The following CELA2A variants were observed in gnomAD, a reference collection of about 807,000 sequenced individuals.
CELA2A encodes the protein chymotrypsin-like elastase family member 2A.
CELA2A carries 31 observed loss-of-function variants against 35.3 expected under a neutral mutation model. The ratio of observed to expected loss-of-function variants is 0.88; its 90% CI spans 0.66 to 1.19. The LOEUF is 1.19. Among genes scored for constraint, CELA2A ranks in the 50% most tolerant of loss-of-function variants. The pLI is 0.00. For missense variants in CELA2A, 330 were observed against 352.9 expected (o/e 0.94, Z 0.52); for synonymous variants, 150 against 149.8 (o/e 1.00, Z -0.01).
In CELA2A at chr1:15,467,524, G is replaced by T. The variant is rs1226709885; in HGVS notation, c.778G>T (p.Asp260Tyr). The change falls in exon 7 of 8, where the codon GAC becomes TAC. Residue 260 changes from aspartate (D) to tyrosine (Y), a missense_variant. Physicochemically the swap from Asp to Tyr is radical, Grantham distance 160. Transcript: ENST00000359621. ...SVFTRVSNYI[D>Y]WINSVIANN ...CTTCACGCGGGTCTCCAATTACATC[G>T]ACTGGATCAATTCGGTAAGAACCGG... 1.2e-6 allele frequency: 2 copies of T among 1,614,086 alleles called. No individual in the cohort carries two copies. Among genetic ancestry groups the T allele is most frequent in the South Asian group, 2.2e-5 (2 of 91,076 alleles).
Position 15,463,621 on chromosome 1 carries a change from G to GT in CELA2A, c.493+100dup. On this transcript the variant is annotated intron_variant, in intron 5 of 7. Coordinates refer to ENST00000359621, the MANE Select transcript of CELA2A (RefSeq NM_033440.3). Reference sequence around the variant, plus strand: ...CCTCTCACCTGTCATCCCAGGGTGTGTGGCTGCCTTGGAGAGACGGGATGG... The same window carrying GT: ...CCTCTCACCTGTCATCCCAGGGTGTGTTGGCTGCCTTGGAGAGACGGGATGG... The GT allele has an allele frequency of 1.9e-6, 3 of 1,576,634 alleles. No homozygotes were observed. In the East Asian group the frequency reaches 6.7e-5, roughly 35 times the overall value.
At chr1:15,458,723 G>T (rs968761506) in intron 2 of CELA2A, among the ~76,000 whole-genome samples, 11 of 151,880 alleles carry the variant, frequency 7.2e-5, no homozygotes, top group African/African-American at 2.7e-4. Flanking sequence ...GACCAGCCTG[G>T]CCAACATGGT....
In CELA2A at chr1:15,461,674, T is replaced by A. The variant is rs762088783; in HGVS notation, c.227+16T>A. 6.8e-6 allele frequency: 11 copies of A among 1,614,160 alleles called. No homozygotes were observed. In the Admixed American group the frequency reaches 1.7e-4, roughly 24 times the overall value. Reference sequence around the variant, plus strand: ...ACTGCATCAGGTAACTGCCTTTCCCTGGGCGCTTGGCCTGCTCACCAGCTG... The same window carrying A: ...ACTGCATCAGGTAACTGCCTTTCCCAGGGCGCTTGGCCTGCTCACCAGCTG... On this transcript the variant is annotated intron_variant, in intron 3 of 7. Coordinates refer to ENST00000359621, the MANE Select transcript of CELA2A (RefSeq NM_033440.3).
chr1:15,458,742 G>A (rs576355255), intron 2 of CELA2A, among the ~76,000 whole-genome samples: 2 of 151,770 alleles, frequency 1.3e-5, no homozygotes, highest in East Asian at 3.9e-4. Context: ...GTGAAACTCT[G>A]CCTCTACTAA....
intron 7 of CELA2A, among the ~76,000 whole-genome samples, 171 bp downstream of exon 7, chr1:15,467,709 C>T (rs1470667312): frequency 1.3e-5 from 2 of 152,120 alleles, no homozygotes; most frequent in East Asian, 1.9e-4. Context: ...CATGGGTCCC[C>T]CAAATTTCTG....
At chr1:15,462,438 C>T (rs1168389914) in intron 3 of CELA2A, among the ~76,000 whole-genome samples, 2 of 152,136 alleles carry the variant, frequency 1.3e-5, no homozygotes, top group Non-Finnish European at 2.9e-5. Context: ...CAAATGACTC[C>T]TGTTTTCTCT....
At chr1:15,461,126 C>T (rs1708427765) in intron 2 of CELA2A, among the ~76,000 whole-genome samples, 2 of 152,168 alleles carry the variant, frequency 1.3e-5, no homozygotes, top group South Asian at 4.1e-4. Context: ...ATGAAAACAG[C>T]ATGGAGGTGA....
intron 7 of CELA2A, among the ~76,000 whole-genome samples, chr1:15,467,924 T>TA (rs992430430): frequency 2.6e-5 from 4 of 151,584 alleles, no homozygotes; most frequent in African/African-American, 7.3e-5. Context: ...CCATGTCTAC[T>TA]AAAAAAATCC....
intron 2 of CELA2A, among the ~76,000 whole-genome samples, chr1:15,460,309 T>TGGG (rs33976415): frequency 2.0e-5 from 3 of 151,672 alleles, no homozygotes; most frequent in African/African-American, 7.3e-5. Context: ...ATTTTTAAAT[T>TGGG]GGGGGGGGGG....
rs752331004 is a variant in CELA2A at position 15,466,145 on chromosome 1, G to T, written c.639+1G>T. On this transcript the variant is annotated splice_donor_variant, in intron 6 of 7. Transcript: ENST00000359621. LOFTEE classifies it high-confidence loss of function. ...TGATGGCGTGATCTCCAGCTGCAAC[G>T]TGAGTACCAAAATCAGGGGCTCCGC... 1.2e-6 allele frequency: 2 copies of T among 1,613,536 alleles called. No homozygotes were observed. The highest frequency in any genetic ancestry group is 2.2e-5 in the South Asian group (2 of 91,066).
chr1:15,462,873 T>C lies in CELA2A; in HGVS notation c.356+12T>C. Reference sequence around the variant, plus strand: ...CAAATCTCCAAAGGGTTCGTTTCTGTCTGGGTGCACTTGGGGGTGAGGTTG... The same window carrying C: ...CAAATCTCCAAAGGGTTCGTTTCTGCCTGGGTGCACTTGGGGGTGAGGTTG... On this transcript the variant is annotated intron_variant, in intron 4 of 7. Transcript: ENST00000359621. 1.2e-6 allele frequency: 2 copies of C among 1,614,002 alleles called. No individual in the cohort carries two copies. Among genetic ancestry groups the C allele is most frequent in the Non-Finnish European group, 1.7e-6 (2 of 1,179,956 alleles).
At chr1:15,458,006 T>C (rs1708384172) in intron 2 of CELA2A, among the ~76,000 whole-genome samples, 1 of 152,196 alleles carries the variant, frequency 6.6e-6, no homozygotes, top group African/African-American at 2.4e-5. Flanking sequence ...AAGAGAAATG[T>C]GTAAAGTTTA....
Position 15,466,001 on chromosome 1 carries a change from A to G in CELA2A, c.496A>G (p.Asn166Asp). 6.2e-7 allele frequency: 1 copy of G among 1,614,128 alleles called. No homozygotes were observed. Among genetic ancestry groups the G allele is most frequent in the Non-Finnish European group, 8.5e-7 (1 of 1,180,042 alleles). The change falls in exon 6 of 8, where the codon AAC (asparagine) becomes GAC (aspartate). Residue 166 changes from asparagine to aspartate, a missense_variant and splice_region_variant. Physicochemically the swap from Asn to Asp is conservative, Grantham distance 23 (BLOSUM62 1). Transcript: ENST00000359621. ...YVTGWGRLQTNGAVPDVLQQG... is the reference protein window; with the variant it reads ...YVTGWGRLQTDGAVPDVLQQG... ...GGCTTCTCTCTGATCTCATTCAGCC[A>G]ACGGGGCTGTTCCTGATGTCCTGCA...
chr1:15,466,310 C>A lies in CELA2A; in HGVS notation c.639+166C>A, dbSNP rs775879194. On this transcript the variant is annotated intron_variant, in intron 6 of 7. Transcript: ENST00000359621. ...AGGCACGGTGGCTCACACCTGTAAT[C>A]CCAGCACTTTGAGAGGCCAGGCGGG... Among the ~76,000 whole-genome samples, 152 of 152,128 alleles carry A rather than the reference C, an allele frequency of 1.0e-3. 1 individual carries two copies. Among genetic ancestry groups the A allele is most frequent in the Admixed American group, 2.6e-3 (40 of 15,264 alleles).
At chr1:15,460,438 G>A (rs1708417939) in intron 2 of CELA2A, among the ~76,000 whole-genome samples, 1 of 152,082 alleles carries the variant, frequency 6.6e-6, no homozygotes, top group Non-Finnish European at 1.5e-5. Context: ...AACGTTCAGA[G>A]AAAAGCAGGC....
chr1:15,463,263 G>C (rs1316687756), intron 4 of CELA2A, 123 bp from the exon 5 acceptor site: 1 of 1,480,206 alleles, frequency 6.8e-7, no homozygotes, highest in Non-Finnish European at 9.2e-7. Context: ...CTGGGGCCCT[G>C]CCAGTCAGAG....
At chr1:15,460,001 G>A (rs1351568560) in intron 2 of CELA2A, among the ~76,000 whole-genome samples, 2 of 151,580 alleles carry the variant, frequency 1.3e-5, no homozygotes, top group African/African-American at 2.4e-5. Flanking sequence ...GAAGATGAAT[G>A]ATATTTTAAT....
chr1:15,467,168 A>G (rs1378333289), intron 6 of CELA2A, among the ~76,000 whole-genome samples: 6 of 152,200 alleles, frequency 3.9e-5, no homozygotes, highest in African/African-American at 1.4e-4. Flanking sequence ...GATTAATGAG[A>G]TGAGGCATAG....
chr1:15,465,765 G>T, intron 5 of CELA2A: 1 of 482,186 alleles, frequency 2.1e-6, no homozygotes, highest in Non-Finnish European at 3.7e-6. Flanking sequence ...CTCTGAAACC[G>T]GAATCTCATA....
Sources: allele counts gnomAD v4.1 joint callset (sites outside exome capture counted in the v4.1 genomes callset), GRCh38; gene constraint gnomAD v4.1.1; transcripts MANE v1.5; gene names NCBI Gene and HGNC (gene_info 2026-07-23, HGNC 2026-07-21).